GALNT18: variants seen among roughly 807,000 people sequenced by gnomAD.
The protein encoded by GALNT18 is GalNAc-transferase 18.
GALNT18 carries 44 observed loss-of-function variants against 69.5 expected under a neutral mutation model. The observed-to-expected ratio is 0.63, with a 90% CI of 0.50 to 0.81. The LOEUF (loss-of-function observed/expected upper bound fraction) is 0.81, where lower values mean the gene tolerates loss of function less well. GALNT18 is among the 40% of genes least tolerant of loss of function. The probability of loss-of-function intolerance (pLI) is 0.00; values close to 1 mark genes in which losing one functional copy is unlikely to be tolerated. For missense variants in GALNT18, 715 were observed against 810.0 expected (o/e 0.88, Z 1.42); for synonymous variants, 364 against 318.2 (o/e 1.14, Z -1.53).
chr11:11,408,077 T>C (rs917147414), intron 3 of GALNT18, among the ~76,000 whole-genome samples: 1 of 152,242 alleles, frequency 6.6e-6, no homozygotes, highest in South Asian at 2.1e-4. Flanking sequence ...AAAAAGTATA[T>C]ACTACTGGCC....
At chr11:11,301,498 C>G (rs151059656) in intron 9 of GALNT18, among the ~76,000 whole-genome samples, 32 of 152,294 alleles carry the variant, frequency 2.1e-4, no homozygotes, top group African/African-American at 5.8e-4. Context: ...TTATGTTCAT[C>G]AACCACAGCA....
chr11:11,360,461 T>C (rs570427264), intron 6 of GALNT18, among the ~76,000 whole-genome samples: 2 of 152,386 alleles, frequency 1.3e-5, no homozygotes, highest in Non-Finnish European at 2.9e-5. Flanking sequence ...TAAGCCAATT[T>C]GATTCTCTTC....
rs1859767815 is a variant in GALNT18 at position 11,606,808 on chromosome 11, C to T, written c.235+14551G>A. 1.3e-5 allele frequency among the ~76,000 whole-genome samples: 2 copies of T among 152,166 alleles called. No homozygotes were observed. Among genetic ancestry groups the T allele is most frequent in the Admixed American group, 1.3e-4 (2 of 15,286 alleles). On this transcript the variant is annotated intron_variant, in intron 1 of 10. Transcript: ENST00000227756. The surrounding 1 kb of genome is among the most constrained non-coding windows in gnomAD (Gnocchi z 5.4). ...ATTGTCTAGACTTCAAATCAGGATC[C>T]CTAGACCCTATCCAGGGCCTCCAGG...
chr11:11,340,950 T>G lies in GALNT18; in HGVS notation c.1147A>C (p.Ile383Leu), dbSNP rs769789482. The G allele has an allele frequency of 1.7e-4, 282 of 1,612,596 alleles. No homozygotes were observed. Among genetic ancestry groups the G allele is most frequent in the Non-Finnish European group, 2.3e-4 (274 of 1,179,350 alleles). ...GTGTAGGGCTTGTGGGCTCGCTCAA[T>G]GTGGGCAATCCGTGAGCAGGGCAGG... ...EVLPCSRIAH[I>L]ERAHKPYTED... The change falls in exon 7 of 11, where the codon ATT (isoleucine) becomes CTT (leucine). Residue 383 changes from isoleucine (I) to leucine (L), a missense_variant. Ile to Leu is a conservative substitution (Grantham distance 5, BLOSUM62 2). Coordinates refer to ENST00000227756, the MANE Select transcript of GALNT18 (RefSeq NM_198516.3). The surrounding 1 kb of genome is among the most constrained non-coding windows in gnomAD (Gnocchi z 4.2).
intron 3 of GALNT18, among the ~76,000 whole-genome samples, chr11:11,381,206 G>T (rs1853908740): frequency 6.6e-6 from 1 of 152,162 alleles, no homozygotes; most frequent in South Asian, 2.1e-4. Flanking sequence ...AACATTTACT[G>T]TTTTATCACT....
chr11:11,526,041 T>C (rs1352151899), intron 1 of GALNT18, among the ~76,000 whole-genome samples: 1 of 152,122 alleles, frequency 6.6e-6, no homozygotes, highest in Non-Finnish European at 1.5e-5. Flanking sequence ...GGGAAAGGTA[T>C]GAGAAAGGCT....
chr11:11,533,048 C>T (rs1857689589), intron 1 of GALNT18, among the ~76,000 whole-genome samples: 2 of 152,078 alleles, frequency 1.3e-5, no homozygotes, highest in South Asian at 4.2e-4. Flanking sequence ...GCACACCTGC[C>T]CCCTCATAGT....
chr11:11,529,616 A>C (rs1857595142), intron 1 of GALNT18, among the ~76,000 whole-genome samples: 1 of 129,556 alleles, frequency 7.7e-6, no homozygotes. Flanking sequence ...ATTCTTTATA[A>C]TAATCTCCTT....
intron 1 of GALNT18, among the ~76,000 whole-genome samples, chr11:11,508,095 A>G (rs72865491): frequency 0.038 from 5,836 of 152,284 alleles, 208 homozygotes; most frequent in South Asian, 0.15. Flanking sequence ...CCATGTTTAA[A>G]CTTTCCCAAT....
chr11:11,280,796 G>A (rs948662112), intron 10 of GALNT18, among the ~76,000 whole-genome samples: 1 of 152,148 alleles, frequency 6.6e-6, no homozygotes, highest in Non-Finnish European at 1.5e-5. Flanking sequence ...GGGGCCACAT[G>A]GTGCTCCTGA....
At chr11:11,499,747 C>T (rs1231628462) in intron 1 of GALNT18, among the ~76,000 whole-genome samples, 1 of 152,184 alleles carries the variant, frequency 6.6e-6, no homozygotes, top group African/African-American at 2.4e-5. Flanking sequence ...ATACCTCTTC[C>T]TGGTGACTCA....
intron 6 of GALNT18, among the ~76,000 whole-genome samples, chr11:11,363,211 A>C (rs12364894): frequency 0.095 from 14,437 of 152,252 alleles, 862 homozygotes; most frequent in South Asian, 0.15. Context: ...CTTATTTTGT[A>C]GATTTGACTT....
intron 10 of GALNT18, among the ~76,000 whole-genome samples, chr11:11,289,856 G>A (rs1477109694): frequency 6.6e-6 from 1 of 152,204 alleles, no homozygotes; most frequent in Non-Finnish European, 1.5e-5. Context: ...TCATCTCAAT[G>A]TCTCATATTG....
At chr11:11,419,619 A>AG (rs1554932032) in intron 3 of GALNT18, among the ~76,000 whole-genome samples, 1,425 of 128,440 alleles carry the variant, frequency 0.011, 58 homozygotes, top group African/African-American at 0.038. Flanking sequence ...AAAAAAAAAA[A>AG]AAAGAAAGAA....
chr11:11,294,866 C>T (rs4910297), intron 9 of GALNT18, among the ~76,000 whole-genome samples: 58,020 of 152,024 alleles, frequency 0.38, 11,398 homozygotes, highest in Middle Eastern at 0.55. Flanking sequence ...ACCCTCATCA[C>T]TAGTGCTCCC....
At chr11:11,401,470 C>T (rs969040094) in intron 3 of GALNT18, among the ~76,000 whole-genome samples, 1 of 152,134 alleles carries the variant, frequency 6.6e-6, no homozygotes, top group Non-Finnish European at 1.5e-5. Flanking sequence ...GTCCTAGAGG[C>T]TCAGGTCTTG....
chr11:11,443,505 C>A (rs1436718414), intron 2 of GALNT18, among the ~76,000 whole-genome samples: 1 of 152,046 alleles, frequency 6.6e-6, no homozygotes, highest in Non-Finnish European at 1.5e-5. Flanking sequence ...CTTCTTGCCC[C>A]TCCTAGATTA....
chr11:11,388,951 T>C (rs1854116911), intron 3 of GALNT18, among the ~76,000 whole-genome samples: 2 of 152,204 alleles, frequency 1.3e-5, no homozygotes, highest in South Asian at 4.1e-4. Context: ...TCAGCAACCA[T>C]AATGCTACTC....
Position 11,341,968 on chromosome 11 carries a change from AT to A in GALNT18, c.1093-965del, listed in dbSNP as rs35028957. On this transcript the variant is annotated intron_variant, in intron 6 of 10. Transcript: ENST00000227756. This position sits in a 1 kb window ranked among gnomAD's most constrained non-coding sequence, Gnocchi z 6.3. ...GAGATCCTGTCTCTAAAACATTAAA[AT>A]TTTTTTTTTTTTAAAAAGACCTTGA... is the stretch of plus-strand genomic sequence containing the variant. Among the ~76,000 whole-genome samples, 188 of 131,908 alleles carry A rather than the reference AT, an allele frequency of 1.4e-3. No homozygotes were observed. The highest frequency in any genetic ancestry group is 2.8e-3 in the African/African-American group (75 of 26,996). 86.5% of individuals were successfully genotyped at this position (131,908 alleles called of 152,430 possible). A position where few individuals can be genotyped will look rare whatever the true frequency, so the allele number is the denominator to read the frequency against.
Sources: allele counts gnomAD v4.1 joint callset (sites outside exome capture counted in the v4.1 genomes callset), GRCh38; gene constraint gnomAD v4.1.1; non-coding constraint Gnocchi (gnomAD v3.1); transcripts MANE v1.5; gene names NCBI Gene and HGNC (gene_info 2026-07-23, HGNC 2026-07-21).